Variants in HTR4 observed in about 807,000 individuals in gnomAD.
HTR4 encodes 5-hydroxytryptamine receptor 4.
In HTR4, 16 loss-of-function variants were observed where a neutral mutation model predicts 36.8. The ratio of observed to expected loss-of-function variants is 0.43; its 90% CI spans 0.29 to 0.66. HTR4 has a LOEUF of 0.66. Among genes scored for constraint, HTR4 ranks in the 30% least tolerant of loss-of-function variants. The probability of loss-of-function intolerance (pLI) is 0.13; values close to 1 mark genes in which losing one functional copy is unlikely to be tolerated. For missense variants in HTR4, 438 were observed against 490.9 expected (o/e 0.89, Z 1.02); for synonymous variants, 189 against 185.1 (o/e 1.02, Z -0.17).
intron 2 of HTR4, among the ~76,000 whole-genome samples, chr5:148,614,188 G>T (rs1347439094): frequency 6.6e-6 from 1 of 152,102 alleles, no homozygotes; most frequent in East Asian, 1.9e-4. Flanking sequence ...CTACTTTCAA[G>T]TTCATATGGA....
At chr5:148,524,733 A>C (rs1304839914) in intron 4 of HTR4, among the ~76,000 whole-genome samples, 1 of 152,198 alleles carries the variant, frequency 6.6e-6, no homozygotes, top group Non-Finnish European at 1.5e-5. Context: ...TATACCATTT[A>C]ATGATGAACC....
intron 5 of HTR4, among the ~76,000 whole-genome samples, chr5:148,521,804 G>C (rs1338629191): frequency 3.9e-5 from 6 of 152,090 alleles, no homozygotes; most frequent in African/African-American, 1.4e-4. Context: ...TTCAGGAAAT[G>C]AGACAGTTCA....
At chr5:148,598,194 A>G (rs1270531608) in intron 2 of HTR4, among the ~76,000 whole-genome samples, 1 of 152,060 alleles carries the variant, frequency 6.6e-6, no homozygotes, top group East Asian at 1.9e-4. Flanking sequence ...GGAAGGACAG[A>G]CTGATTTGGG....
intron 2 of HTR4, among the ~76,000 whole-genome samples, chr5:148,613,463 T>C (rs1752526866): frequency 6.6e-6 from 1 of 152,090 alleles, no homozygotes; most frequent in Non-Finnish European, 1.5e-5. Flanking sequence ...AGGAAAGGCC[T>C]TTGACAAAAT....
At chr5:148,479,019 AAGGCTTCAGC>A (rs1755793096), downstream of HTR4, among the ~76,000 whole-genome samples, 2 of 151,716 alleles carry the variant, frequency 1.3e-5, no homozygotes, top group East Asian at 3.9e-4. Context: ...TTTTTTTCTA[AAGGCTTCAGC>A]AGGGATGCAC....
downstream of HTR4, among the ~76,000 whole-genome samples, chr5:148,479,413 G>A (rs746823390): frequency 1.3e-5 from 2 of 151,664 alleles, no homozygotes; most frequent in Admixed American, 1.3e-4. Context: ...GCATTTTATT[G>A]CATATTCAAA....
chr5:148,609,318 CT>C (rs1752310832), intron 2 of HTR4, among the ~76,000 whole-genome samples: 2 of 152,166 alleles, frequency 1.3e-5, no homozygotes, highest in South Asian at 4.1e-4. Flanking sequence ...AGCTGGGTAT[CT>C]TCTCTTCCTT....
At chr5:148,562,489 A>T (rs1366302632) in intron 2 of HTR4, among the ~76,000 whole-genome samples, 3 of 151,982 alleles carry the variant, frequency 2.0e-5, no homozygotes, top group Non-Finnish European at 4.4e-5. Context: ...CTTCTCCTTT[A>T]CCTAGGTCAT....
At position 148,467,640 on chromosome 5, in the gene HTR4, G is replaced by A. The variant is rs114071062; in HGVS notation, c.1077-16368C>T. ...GGTATTACTATAAAATAAAAATTTA[G>A]ATTTTCAGAAACTGTATAATTTGTA... On this transcript the variant is annotated intron_variant, in intron 5 of 5. Coordinates refer to the HTR4 transcript ENST00000521530. 3.3e-3 allele frequency among the ~76,000 whole-genome samples: 500 copies of A among 152,264 alleles called. 1 individual carries two copies. The highest frequency in any genetic ancestry group is 0.011 in the African/African-American group (473 of 41,554).
intron 2 of HTR4, among the ~76,000 whole-genome samples, chr5:148,573,619 G>T (rs1760767547): frequency 6.6e-6 from 1 of 152,034 alleles, no homozygotes; most frequent in Admixed American, 6.6e-5. Context: ...CTATAAGGAG[G>T]ATGGGGAGTG....
chr5:148,484,736 A>G (rs905422127), intron 6 of HTR4, among the ~76,000 whole-genome samples: 3 of 152,188 alleles, frequency 2.0e-5, no homozygotes, highest in African/African-American at 7.2e-5. Flanking sequence ...TAAATAATGA[A>G]ATCTAACTAT....
At chr5:148,590,287 C>CTTTTTTTTTTTTTTTT (rs779077579) in intron 2 of HTR4, among the ~76,000 whole-genome samples, 1 of 33,320 alleles carries the variant, frequency 3.0e-5, no homozygotes, top group Non-Finnish European at 5.3e-5. Context: ...TTTTTCTTTT[C>CTTTTTTTTTTTTTTTT]TTTTTTTTTT....
At chr5:148,597,604 C>G (rs1013584944) in intron 2 of HTR4, among the ~76,000 whole-genome samples, 1 of 152,172 alleles carries the variant, frequency 6.6e-6, no homozygotes, top group African/African-American at 2.4e-5. Context: ...TCTCCTAAAG[C>G]AGGGCCTTTG....
intron 2 of HTR4, among the ~76,000 whole-genome samples, chr5:148,610,316 G>A (rs541691983): frequency 9.9e-4 from 150 of 152,274 alleles, no homozygotes; most frequent in African/African-American, 3.2e-3. Flanking sequence ...CTCCCAGTAC[G>A]CAGCTGGAGA....
chr5:148,451,125 T>C, exon 6 of HTR4: 2 of 1,609,834 alleles, frequency 1.2e-6, no homozygotes, highest in South Asian at 1.1e-5. Context: ...GATGCCAGGG[T>C]GACCTGTTCA....
In HTR4 at chr5:148,545,899, T is replaced by C. The variant is rs553638808; in HGVS notation, c.353+2769A>G. 2.0e-5 allele frequency among the ~76,000 whole-genome samples: 3 copies of C among 152,326 alleles called. No individual in the cohort carries two copies. The East Asian group carries it at 5.8e-4, about 29-fold the overall frequency. ...AGCAGCATTTTAAAAGGATGGCTTT[T>C]GATCTTGTGAGCGACAAGTGGATGG... On this transcript the variant is annotated intron_variant, in intron 4 of 6. Transcript: ENST00000377888.
chr5:148,507,223 A>G (rs1757265733), intron 6 of HTR4, among the ~76,000 whole-genome samples: 1 of 151,412 alleles, frequency 6.6e-6, no homozygotes, highest in Admixed American at 6.6e-5. Flanking sequence ...CGTCCTTTGT[A>G]GGGACATGGA....
chr5:148,564,434 C>A lies in HTR4; in HGVS notation c.27-14172G>T, dbSNP rs1169653730. 3.3e-5 allele frequency among the ~76,000 whole-genome samples: 5 copies of A among 152,224 alleles called. No individual in the cohort carries two copies. The East Asian group carries it at 9.7e-4, about 29-fold the overall frequency. On this transcript the variant is annotated intron_variant, in intron 2 of 6. Coordinates refer to ENST00000377888, the MANE Select transcript of HTR4 (RefSeq NM_000870.7). ...ATTGTTATTTAAAGATCTGTGCCTC[C>A]CAACCACACTAACTTACTGATTTTG...
intron 2 of HTR4, among the ~76,000 whole-genome samples, chr5:148,601,733 G>A (rs886466275): frequency 8.5e-5 from 13 of 152,104 alleles, no homozygotes; most frequent in African/African-American, 2.4e-4. Context: ...CTTGGAAGGC[G>A]GAGGTTGCAG....
Sources: gnomAD v4.1 joint callset for allele counts (sites outside exome capture counted in the v4.1 genomes callset) on GRCh38, gnomAD v4.1.1 for gene constraint, MANE v1.5 for transcripts, NCBI Gene and HGNC (gene_info 2026-07-23, HGNC 2026-07-21) for gene names.